Variants in ADAM22 observed in about 807,000 individuals in gnomAD.
ADAM22 encodes ADAM metallopeptidase domain 22.
A neutral mutation model predicts 144.6 loss-of-function variants in ADAM22; 65 were observed. That is an observed-to-expected ratio of 0.45 (90% CI 0.37 to 0.55). The LOEUF (loss-of-function observed/expected upper bound fraction) is 0.55, where lower values mean the gene tolerates loss of function less well. Ranked by LOEUF, ADAM22 falls within the 20% of genes least tolerant of loss-of-function variation. The pLI, the probability that ADAM22 is intolerant of heterozygous loss-of-function variation, is 0.00. For synonymous variants in ADAM22, 391 were observed against 412.6 expected (o/e 0.95, Z 0.63); for missense variants, 974 against 1,184.9 (o/e 0.82, Z 2.61).
At position 88,155,860 on chromosome 7, in the gene ADAM22, G is replaced by T. The variant is rs752352681; in HGVS notation, c.1788-27G>T. ...ATGGTTTGCTATATATTTGGGAAAAGAAGTAATTGGTAATCTTTTGATACA... is the reference window on the plus strand; with the variant it reads ...ATGGTTTGCTATATATTTGGGAAAATAAGTAATTGGTAATCTTTTGATACA... On this transcript the variant is annotated intron_variant, in intron 21 of 31. Transcript: ENST00000413139. 5 of 1,607,840 alleles carry T rather than the reference G, an allele frequency of 3.1e-6. No individual in the cohort carries two copies. In the South Asian group the frequency reaches 3.3e-5, roughly 11 times the overall value.
At chr7:87,988,770 T>C (rs527851718) in intron 3 of ADAM22, among the ~76,000 whole-genome samples, 1 of 152,324 alleles carries the variant, frequency 6.6e-6, no homozygotes, top group East Asian at 1.9e-4. Context: ...TTTTTAGCAA[T>C]GATAGAAGTA....
At chr7:88,151,187 A>G in intron 19 of ADAM22, 70 bp from the exon 20 acceptor site, 1 of 1,591,816 alleles carries the variant, frequency 6.3e-7, no homozygotes, top group Middle Eastern at 1.7e-4. Context: ...TCCCAATCAT[A>G]GTTTCTTTTT....
chr7:88,134,338 A>C lies in ADAM22; in HGVS notation c.1087A>C (p.Thr363Pro). Residue 363 changes from threonine (T) to proline (P), a missense_variant, in exon 13 of 32, where the codon ACT becomes CCT. Physicochemically the swap from Thr to Pro is conservative, Grantham distance 38 (BLOSUM62 -1). Around this residue, in one of 2 missense-constraint regions of ADAM22, gnomAD observed 734 missense variants for 950.6 expected, o/e 0.77. Transcript: ENST00000413139. The part of the protein sequence containing the change: ...KGGGVNEFGK[T>P]DLMAVTLAQS... ...TGTTTTTGTTTTTCAGTTTGGGAAA[A>C]CTGATTTAATGGCTGTTACACTTGC... The C allele has an allele frequency of 6.2e-7, 1 of 1,603,992 alleles. No individual in the cohort carries two copies. Among genetic ancestry groups the C allele is most frequent in the African/African-American group, 1.3e-5 (1 of 74,398 alleles).
chr7:88,128,950 A>G (rs1020281220), intron 9 of ADAM22, among the ~76,000 whole-genome samples: 2 of 152,020 alleles, frequency 1.3e-5, no homozygotes, highest in African/African-American at 4.8e-5. Context: ...TAATATTTGA[A>G]TCTCCACTTA....
chr7:87,969,685 A>G (rs1849969426), intron 2 of ADAM22, among the ~76,000 whole-genome samples: 1 of 152,330 alleles, frequency 6.6e-6, no homozygotes, highest in African/African-American at 2.4e-5. Context: ...GGTAAATGGA[A>G]GACCTAGAAT....
At chr7:87,967,236 C>A (rs1849340280) in intron 2 of ADAM22, among the ~76,000 whole-genome samples, 1 of 152,068 alleles carries the variant, frequency 6.6e-6, no homozygotes, top group Admixed American at 6.6e-5. Flanking sequence ...CAGACTAATA[C>A]AAGTTATAAA....
chr7:88,060,811 A>G (rs1809619100), intron 3 of ADAM22, among the ~76,000 whole-genome samples: 1 of 151,466 alleles, frequency 6.6e-6, no homozygotes, highest in Non-Finnish European at 1.5e-5. Context: ...CTCATCCATA[A>G]GAAGTGACTC....
rs147758444 is a variant in ADAM22, at chr7:87,973,314, G to A, written c.247-5022G>A. On this transcript the variant is annotated intron_variant, in intron 2 of 31. Coordinates refer to ENST00000413139, the MANE Select transcript of ADAM22 (RefSeq NM_001324418.2). The stretch of plus-strand genomic sequence containing the variant: ...ACACTTCTCAAAAGAAGACATTTAT[G>A]CAGCCAAAAAACACATGGAGAAGTG... Among the ~76,000 whole-genome samples the A allele has an allele frequency of 5.1e-3, 783 of 152,336 alleles. 11 individuals are homozygous for A. The highest frequency in any genetic ancestry group is 0.018 in the African/African-American group (740 of 41,558).
chr7:88,001,925 A>G (rs1792655600), intron 3 of ADAM22, among the ~76,000 whole-genome samples: 1 of 152,072 alleles, frequency 6.6e-6, no homozygotes, highest in Non-Finnish European at 1.5e-5. Context: ...TTTACTAGTT[A>G]CATAACCATG....
At chr7:87,981,453 A>C (rs966577544) in intron 3 of ADAM22, among the ~76,000 whole-genome samples, 1 of 151,956 alleles carries the variant, frequency 6.6e-6, no homozygotes, top group Non-Finnish European at 1.5e-5. Flanking sequence ...CCCCAGTTTT[A>C]CAGTAAGTGG....
chr7:88,024,309 T>C (rs1325729537), intron 3 of ADAM22, among the ~76,000 whole-genome samples: 2 of 152,180 alleles, frequency 1.3e-5, no homozygotes. Flanking sequence ...CCCACCAACA[T>C]TGTATGCAGG....
intron 2 of ADAM22, among the ~76,000 whole-genome samples, chr7:87,960,413 T>TGATCTTAAA (rs1847789059): frequency 6.6e-6 from 1 of 151,834 alleles, no homozygotes. Context: ...TGTGTGTGTG[T>TGATCTTAAA]AGAGTATTCT....
chr7:88,108,377 T>A (rs1825026046), intron 5 of ADAM22, 119 bp downstream of exon 5: 1 of 789,718 alleles, frequency 1.3e-6, no homozygotes, highest in Non-Finnish European at 2.0e-6. Context: ...AAATTGGTGA[T>A]GGATCTGATT....
chr7:88,007,106 T>C (rs1201221290), intron 3 of ADAM22, among the ~76,000 whole-genome samples: 2 of 151,928 alleles, frequency 1.3e-5, no homozygotes, highest in Non-Finnish European at 2.9e-5. Context: ...TATACACCAA[T>C]AACAGACAGA....
At chr7:88,178,168 A>G (rs941993795) in intron 26 of ADAM22, among the ~76,000 whole-genome samples, 1 of 152,162 alleles carries the variant, frequency 6.6e-6, no homozygotes, top group Non-Finnish European at 1.5e-5. Flanking sequence ...CAGATTAAAT[A>G]CATTTTCACT....
chr7:88,092,582 T>G (rs1054615290), intron 4 of ADAM22, among the ~76,000 whole-genome samples: 2 of 152,238 alleles, frequency 1.3e-5, no homozygotes, highest in South Asian at 2.1e-4. Context: ...CTCTGCCATC[T>G]TGTAATCAGT....
chr7:88,091,115 T>C (rs548169357), intron 4 of ADAM22, among the ~76,000 whole-genome samples: 10 of 152,328 alleles, frequency 6.6e-5, no homozygotes, highest in Middle Eastern at 3.4e-3. Context: ...AGAAAGATTA[T>C]GCTTTCATAT....
intron 3 of ADAM22, among the ~76,000 whole-genome samples, chr7:87,997,321 G>A (rs1025238378): frequency 2.6e-5 from 4 of 152,322 alleles, no homozygotes; most frequent in Admixed American, 2.6e-4. Flanking sequence ...GGCAATAAAA[G>A]CCTCACTTAA....
intron 23 of ADAM22, 110 bp downstream of exon 23, chr7:88,163,290 T>G (rs1386478757): frequency 5.5e-6 from 5 of 910,266 alleles, no homozygotes; most frequent in African/African-American, 1.8e-5. Context: ...TTTTCATATT[T>G]CTAGTTGGTA....
Sources: gnomAD v4.1 joint callset for allele counts (sites outside exome capture counted in the v4.1 genomes callset) on GRCh38, gnomAD v4.1.1 for gene constraint, gnomAD v4.1.1 regional missense constraint, MANE v1.5 for transcripts, NCBI Gene and HGNC (gene_info 2026-07-23, HGNC 2026-07-21) for gene names.